Variants in WDSUB1 observed in about 807,000 individuals in gnomAD.
WDSUB1 encodes WD repeat, SAM and U-box domain-containing protein 1.
In WDSUB1, 49 loss-of-function variants were observed where a neutral mutation model predicts 53.9. The observed-to-expected ratio is 0.91, with a 90% CI of 0.72 to 1.15. The LOEUF (loss-of-function observed/expected upper bound fraction) is 1.15. Among genes scored for constraint, WDSUB1 ranks in the 50% most tolerant of loss-of-function variants. The probability of loss-of-function intolerance (pLI) is 0.00; values close to 1 mark genes in which losing one functional copy is unlikely to be tolerated. For synonymous variants in WDSUB1, 194 were observed against 200.6 expected (o/e 0.97, Z 0.28); for missense variants, 514 against 562.0 (o/e 0.91, Z 0.86).
intron 9 of WDSUB1, among the ~76,000 whole-genome samples, chr2:159,251,788 A>G (rs962861725): frequency 6.6e-6 from 1 of 152,220 alleles, no homozygotes; most frequent in Non-Finnish European, 1.5e-5. Context: ...AATATACAAA[A>G]CTAAACTAAC....
At chr2:159,266,854 GC>G (rs1439168029) in intron 5 of WDSUB1, among the ~76,000 whole-genome samples, 2 of 152,112 alleles carry the variant, frequency 1.3e-5, no homozygotes, top group African/African-American at 4.8e-5. Flanking sequence ...GCTCACTGCA[GC>G]CTCCACTGCC....
At chr2:159,258,599 C>T (rs1012770609) in intron 6 of WDSUB1, among the ~76,000 whole-genome samples, 1 of 152,150 alleles carries the variant, frequency 6.6e-6, no homozygotes, top group Non-Finnish European at 1.5e-5. Context: ...GCAGAGGTTG[C>T]AGTGAGCCAA....
chr2:159,247,557 G>C (rs1039883482), intron 10 of WDSUB1, among the ~76,000 whole-genome samples: 1 of 151,454 alleles, frequency 6.6e-6, no homozygotes, highest in Non-Finnish European at 1.5e-5. Flanking sequence ...TTTTTTCCTA[G>C]AAAATAACAC....
chr2:159,257,227 C>T (rs2151089809), intron 8 of WDSUB1, among the ~76,000 whole-genome samples: 1 of 152,204 alleles, frequency 6.6e-6, no homozygotes, highest in Non-Finnish European at 1.5e-5. Context: ...ATCTCAGACT[C>T]CTGGGCTCAC....
intron 4 of WDSUB1, among the ~76,000 whole-genome samples, chr2:159,274,812 A>G (rs1251299195): frequency 6.6e-6 from 1 of 152,250 alleles, no homozygotes; most frequent in Non-Finnish European, 1.5e-5. Flanking sequence ...AACAAAGATC[A>G]GAAAACAGAA....
At chr2:159,245,560 C>T (rs1002931500) in intron 10 of WDSUB1, among the ~76,000 whole-genome samples, 1 of 150,436 alleles carries the variant, frequency 6.6e-6, no homozygotes, top group Non-Finnish European at 1.5e-5. Flanking sequence ...TATAAAGCTA[C>T]AGTAATCGAA....
intron 4 of WDSUB1, among the ~76,000 whole-genome samples, chr2:159,275,173 C>A (rs2061514978): frequency 6.6e-6 from 1 of 152,100 alleles, no homozygotes; most frequent in African/African-American, 2.4e-5. Flanking sequence ...AAAGGGTCAC[C>A]TGATGGAATA....
chr2:159,267,776 TATC>T (rs2061373986), intron 5 of WDSUB1, among the ~76,000 whole-genome samples: 1 of 152,242 alleles, frequency 6.6e-6, no homozygotes, highest in Non-Finnish European at 1.5e-5. Context: ...AAATAGAATC[TATC>T]ATTAACTAAT....
chr2:159,256,117 C>A, intron 9 of WDSUB1, 79 bp downstream of exon 9: 1 of 1,371,316 alleles, frequency 7.3e-7, no homozygotes, highest in African/African-American at 1.5e-5. Context: ...AAGAAGAAAC[C>A]ATTAATGCAA....
At chr2:159,250,876 G>T (rs1207760768) in intron 9 of WDSUB1, among the ~76,000 whole-genome samples, 1 of 152,094 alleles carries the variant, frequency 6.6e-6, no homozygotes, top group East Asian at 1.9e-4. Context: ...CACCTGGGTA[G>T]AGACATGGCT....
Position 159,256,223 on chromosome 2 carries a change from C to A in WDSUB1, c.1105G>T (p.Glu369Ter), listed in dbSNP as rs745958104. 3 of 1,602,334 alleles carry A rather than the reference C, an allele frequency of 1.9e-6. No individual in the cohort carries two copies. The highest frequency in any genetic ancestry group is 2.6e-6 in the Non-Finnish European group (3 of 1,176,358). Residue 369 changes from glutamate (E) to a stop codon, truncating the protein, a stop_gained, in exon 9 of 11, where the codon GAA (glutamate) becomes TAA (stop). Coordinates refer to ENST00000359774, the MANE Select transcript of WDSUB1 (RefSeq NM_001128212.3). LOFTEE classifies it high-confidence loss of function. ...ATTTTCAAATCATCAGCCAGACTTTCTTTTGTAAGATTCAACAGTTCTTTT... is the reference window on the plus strand; with the variant it reads ...ATTTTCAAATCATCAGCCAGACTTTATTTTGTAAGATTCAACAGTTCTTTT... Reference protein sequence around the residue: ...DGKELLNLTKESLADDLKIES... With the variant: ...DGKELLNLTK
At chr2:159,245,523 ACT>A (rs755063219) in intron 10 of WDSUB1, among the ~76,000 whole-genome samples, 6 of 133,594 alleles carry the variant, frequency 4.5e-5, no homozygotes, top group Non-Finnish European at 8.4e-5. Flanking sequence ...ACAGAGCAAG[ACT>A]CTGTCTCAAA....
chr2:159,282,538 T>A (rs1362540305), intron 2 of WDSUB1, 134 bp downstream of exon 2: 2 of 1,055,336 alleles, frequency 1.9e-6, no homozygotes, highest in African/African-American at 3.2e-5. Flanking sequence ...ATTGGCTTCC[T>A]AGGGTCATCA....
intron 9 of WDSUB1, among the ~76,000 whole-genome samples, chr2:159,255,680 T>C (rs2151086751): frequency 6.6e-6 from 1 of 152,302 alleles, no homozygotes; most frequent in East Asian, 1.9e-4. Context: ...TACTATACTT[T>C]AAAATGGTTT....
intron 10 of WDSUB1, among the ~76,000 whole-genome samples, chr2:159,239,106 A>G (rs907447179): frequency 3.1e-4 from 47 of 152,166 alleles, no homozygotes; most frequent in African/African-American, 9.9e-4. Flanking sequence ...GGCTCAAGCA[A>G]TCCTCTCACC....
chr2:159,248,458 T>C lies in WDSUB1; in HGVS notation c.1187A>G (p.Lys396Arg). The change falls in exon 10 of 11, where the codon AAG becomes AGG. Residue 396 changes from lysine to arginine, a missense_variant. Lys to Arg is a conservative substitution (Grantham distance 26, BLOSUM62 2). Coordinates refer to ENST00000359774, the MANE Select transcript of WDSUB1 (RefSeq NM_001128212.3). ...AATTCCTGAAGAAAGGGATTTAACC[T>C]TGGTCCTGAGCTCTTCAATTTTCCT... ...VLRKIEELRT[K>R]VKSLSSGIPD... The C allele has an allele frequency of 6.2e-7, 1 of 1,601,074 alleles. No homozygotes were observed. Among genetic ancestry groups the C allele is most frequent in the Non-Finnish European group, 8.5e-7 (1 of 1,175,432 alleles).
chr2:159,265,123 C>A (rs112566984), intron 5 of WDSUB1, among the ~76,000 whole-genome samples: 2,452 of 146,298 alleles, frequency 0.017, 31 homozygotes, highest in African/African-American at 0.023. Flanking sequence ...ACAACAACAA[C>A]AAAAAAAAAC....
At chr2:159,247,185 T>C (rs2060818043) in intron 10 of WDSUB1, among the ~76,000 whole-genome samples, 1 of 152,208 alleles carries the variant, frequency 6.6e-6, no homozygotes, top group African/African-American at 2.4e-5. Context: ...AAATAGCTAA[T>C]TGACTTTTAT....
intron 1 of WDSUB1, among the ~76,000 whole-genome samples, chr2:159,283,400 GCC>G (rs2151161413): frequency 6.6e-6 from 1 of 152,214 alleles, no homozygotes; most frequent in African/African-American, 2.4e-5. Flanking sequence ...GTTTGTGGAT[GCC>G]TGGAGCCCCA....
Sources: allele counts gnomAD v4.1 joint callset (sites outside exome capture counted in the v4.1 genomes callset), GRCh38; gene constraint gnomAD v4.1.1; transcripts MANE v1.5; gene names NCBI Gene and HGNC (gene_info 2026-07-23, HGNC 2026-07-21).